The following PCDHGA1 variants were observed in gnomAD, a reference collection of about 807,000 sequenced individuals.
PCDHGA1 encodes protocadherin gamma subfamily A, 1.
A neutral mutation model predicts 58.0 loss-of-function variants in PCDHGA1; 32 were observed. The observed-to-expected ratio is 0.55, with a 90% confidence interval of 0.42 to 0.74. The LOEUF (loss-of-function observed/expected upper bound fraction) is 0.74, where lower values mean the gene tolerates loss of function less well. Among genes scored for constraint, PCDHGA1 ranks in the 30% least tolerant of loss-of-function variants. The pLI is 0.00. For synonymous variants in PCDHGA1, 498 were observed against 501.1 expected (o/e 0.99, Z 0.08); for missense variants, 1,205 against 1,182.3 (o/e 1.02, Z -0.28).
chr5:141,336,836 T>C (rs553765302), intron 1 of PCDHGA1, among the ~76,000 whole-genome samples: 2 of 152,226 alleles, frequency 1.3e-5, no homozygotes, highest in African/African-American at 4.8e-5. Context: ...ACAATATCAA[T>C]AGAGTGAAAA....
At chr5:141,350,538 G>C in intron 1 of PCDHGA1, 10 of 1,614,050 alleles carry the variant, frequency 6.2e-6, no homozygotes, top group South Asian at 1.1e-5. Context: ...GAGAAGATTT[G>C]CGGAAGGAAA....
At chr5:141,382,883 A>G in intron 1 of PCDHGA1, 5 of 1,528,792 alleles carry the variant, frequency 3.3e-6, no homozygotes, top group Non-Finnish European at 4.4e-6. Context: ...CGCCTAAGCA[A>G]GAGAAGCAGG....
intron 1 of PCDHGA1, among the ~76,000 whole-genome samples, chr5:141,381,491 A>G (rs773337977): frequency 1.7e-4 from 26 of 152,224 alleles, no homozygotes; most frequent in Non-Finnish European, 7.3e-5. Flanking sequence ...TGTTTTCTCA[A>G]TTACACTAGA....
At position 141,486,447 on chromosome 5, in the gene PCDHGA1, T is replaced by A. The variant is rs1452869378; in HGVS notation, c.2422-8360T>A. 6.2e-7 allele frequency: 1 copy of A among 1,614,058 alleles called. No individual in the cohort carries two copies. The highest frequency in any genetic ancestry group is 1.7e-5 in the Admixed American group (1 of 60,012). On this transcript the variant is annotated intron_variant, in intron 1 of 3. Coordinates refer to ENST00000517417, the MANE Select transcript of PCDHGA1 (RefSeq NM_018912.3). This position sits in a 1 kb window ranked among gnomAD's most constrained non-coding sequence, Gnocchi z 5.0. Reference sequence around the variant, plus strand: ...GCCAAATCTAGCTATGACATCATGGTCACTGCTTCTGATGCTGGGAACCCT... The same window carrying A: ...GCCAAATCTAGCTATGACATCATGGACACTGCTTCTGATGCTGGGAACCCT...
Position 141,365,430 on chromosome 5 carries a change from C to T in PCDHGA1, c.2421+32325C>T, listed in dbSNP as rs151160787. The stretch of plus-strand genomic sequence containing the variant: ...GACTGTCTTCCCGGAACTGTAATCG[C>T]GCTGTTTAGCGTACATGATGGTGAT... On this transcript the variant is annotated intron_variant, in intron 1 of 3. Coordinates refer to ENST00000517417, the MANE Select transcript of PCDHGA1 (RefSeq NM_018912.3). 2.0e-4 allele frequency: 316 copies of T among 1,613,960 alleles called. 3 individuals are homozygous for T. The East Asian group carries it at 6.1e-3, about 31-fold the overall frequency.
intron 1 of PCDHGA1, chr5:141,361,457 A>G: frequency 6.2e-7 from 1 of 1,614,036 alleles, no homozygotes; most frequent in Non-Finnish European, 8.5e-7. Context: ...GTCACCCTGC[A>G]CATCTCCGAC....
chr5:141,388,356 C>T (rs756910714), intron 1 of PCDHGA1: 1 of 1,613,826 alleles, frequency 6.2e-7, no homozygotes. Flanking sequence ...AGGATCTGCC[C>T]ATGATGCGGA....
At position 141,430,917 on chromosome 5, in the gene PCDHGA1, G is replaced by A. The variant is rs2097324810; in HGVS notation, c.2422-63890G>A. ...GTGGGCGACATCTCCAGGGACCTGG[G>A]GCTGGAGCCCCGGGAGCTCGCGGAG... On this transcript the variant is annotated intron_variant, in intron 1 of 3. Coordinates refer to ENST00000517417, the MANE Select transcript of PCDHGA1 (RefSeq NM_018912.3). The A allele has an allele frequency of 1.9e-6, 3 of 1,607,956 alleles. No individual in the cohort carries two copies. The highest frequency in any genetic ancestry group is 2.5e-6 in the Non-Finnish European group (3 of 1,177,520).
chr5:141,471,394 G>A (rs1349459242), intron 1 of PCDHGA1: 1 of 152,056 alleles, frequency 6.6e-6, no homozygotes, highest in Non-Finnish European at 1.5e-5. Context: ...TACAAGTTAC[G>A]TAGCTAGGCT....
Position 141,331,191 on chromosome 5 carries a change from C to G in PCDHGA1, c.507C>G (p.Ser169Arg), listed in dbSNP as rs1323250332. The G allele has an allele frequency of 1.2e-6, 2 of 1,614,154 alleles. No individual in the cohort carries two copies. The highest frequency in any genetic ancestry group is 1.7e-6 in the Non-Finnish European group (2 of 1,180,036). ...DLDVGMNSLQ[S>R]YQLSSNPHFS... ...ATGTGGGTATGAACTCACTCCAGAG[C>G]TACCAACTCAGCTCTAACCCTCATT... Residue 169 changes from serine to arginine, a missense_variant, in exon 1 of 4, where the codon AGC (serine) becomes AGG (arginine). By Grantham distance (110) the Ser-to-Arg change is moderately radical. Coordinates refer to ENST00000517417, the MANE Select transcript of PCDHGA1 (RefSeq NM_018912.3).
intron 1 of PCDHGA1, among the ~76,000 whole-genome samples, chr5:141,451,067 A>G (rs948528671): frequency 6.6e-6 from 1 of 151,848 alleles, no homozygotes; most frequent in African/African-American, 2.4e-5. Flanking sequence ...TGACCTTGTG[A>G]TCCACCCACC....
rs543179504 is a variant in PCDHGA1, at chr5:141,381,358, A to G, written c.2421+48253A>G. ...AGCTTTCTTTTCTTTCTGCTAGCAG[A>G]GGGTAGCCTCGGATCCATCAATAAT... is the stretch of plus-strand genomic sequence containing the variant. On this transcript the variant is annotated intron_variant, in intron 1 of 3. Coordinates refer to ENST00000517417, the MANE Select transcript of PCDHGA1 (RefSeq NM_018912.3). Among the ~76,000 whole-genome samples the G allele has an allele frequency of 4.6e-5, 7 of 152,330 alleles. No individual in the cohort carries two copies. In the South Asian group the frequency reaches 1.4e-3, roughly 32 times the overall value.
intron 2 of PCDHGA1, among the ~76,000 whole-genome samples, chr5:141,503,166 A>T (rs1246987375): frequency 1.3e-5 from 2 of 151,884 alleles, no homozygotes; most frequent in Admixed American, 1.3e-4. Context: ...CACAATTGCA[A>T]TTACTCTATT....
At chr5:141,388,571 C>A in intron 1 of PCDHGA1, 2 of 1,613,830 alleles carry the variant, frequency 1.2e-6, no homozygotes, top group Non-Finnish European at 1.7e-6. Context: ...CACAGATACA[C>A]GTTCTAGTGA....
rs752595373 is a variant in PCDHGA1 at position 141,357,407 on chromosome 5, C to G, written c.2421+24302C>G. On this transcript the variant is annotated intron_variant, in intron 1 of 3. Transcript: ENST00000517417. ...GAAGGCAGCAGGTTGGCAGGTGTGC[C>G]TGCCTCGCACTTTGTGGGCGTGGAC... is the stretch of plus-strand genomic sequence containing the variant. 5.0e-6 allele frequency: 8 copies of G among 1,614,246 alleles called. No individual in the cohort carries two copies. The East Asian group carries it at 1.8e-4, about 36-fold the overall frequency.
In PCDHGA1 at chr5:141,490,925, C is replaced by T; in HGVS notation, c.2422-3882C>T. 1 of 1,613,688 alleles carries T rather than the reference C, an allele frequency of 6.2e-7. No homozygotes were observed. The highest frequency in any genetic ancestry group is 8.5e-7 in the Non-Finnish European group (1 of 1,179,700). On this transcript the variant is annotated intron_variant, in intron 1 of 3. Coordinates refer to ENST00000517417, the MANE Select transcript of PCDHGA1 (RefSeq NM_018912.3). The surrounding 1 kb of genome is among the most constrained non-coding windows in gnomAD (Gnocchi z 5.4). ...GTCCTAGACGAGAATGATAATGCCC[C>T]AGCTGTGCTGCACCCACGGCCAGAC... is the stretch of plus-strand genomic sequence containing the variant.
At chr5:141,406,748 A>G (rs180930343) in intron 1 of PCDHGA1, among the ~76,000 whole-genome samples, 80 of 152,312 alleles carry the variant, frequency 5.3e-4, no homozygotes, top group Non-Finnish European at 1.5e-4. Context: ...GTGAAATGAC[A>G]AAACAAGGAA....
intron 1 of PCDHGA1, chr5:141,403,328 A>G: frequency 1.8e-5 from 29 of 1,613,998 alleles, no homozygotes; most frequent in Non-Finnish European, 2.4e-5. Context: ...AGTAACTGAT[A>G]TTAACGACAG....
At chr5:141,468,739 G>A (rs1167211344) in intron 1 of PCDHGA1, among the ~76,000 whole-genome samples, 5 of 152,000 alleles carry the variant, frequency 3.3e-5, no homozygotes, top group African/African-American at 1.2e-4. Context: ...GGTGGCGGGT[G>A]CCTGTAGTCC....
Sources: gnomAD v4.1 joint callset for allele counts (sites outside exome capture counted in the v4.1 genomes callset) on GRCh38, gnomAD v4.1.1 for gene constraint, Gnocchi (gnomAD v3.1) non-coding constraint, MANE v1.5 for transcripts, NCBI Gene and HGNC (gene_info 2026-07-23, HGNC 2026-07-21) for gene names.